TGIF1: variants seen among roughly 807,000 people sequenced by gnomAD.
TGIF1 encodes TGFB induced factor homeobox 1.
A neutral mutation model predicts 19.3 loss-of-function variants in TGIF1; 4 were observed. That is an observed-to-expected ratio of 0.21 (90% CI 0.10 to 0.47). The LOEUF (loss-of-function observed/expected upper bound fraction) is 0.47, where lower values mean the gene tolerates loss of function less well. TGIF1 is among the 20% of genes least tolerant of loss of function. The probability of loss-of-function intolerance (pLI) is 0.98; values close to 1 mark genes in which losing one functional copy is unlikely to be tolerated. For synonymous variants in TGIF1, 122 were observed against 129.3 expected, an observed-to-expected ratio of 0.94 and a Z score of 0.38; for missense variants, 275 against 341.4, an observed-to-expected ratio of 0.81 and a Z score of 1.53.
intron 1 of TGIF1, chr18:3,415,378 A>C (rs1008282575): frequency 1.8e-5 from 8 of 456,508 alleles, no homozygotes; most frequent in Non-Finnish European, 3.1e-5. Flanking sequence ...TCAGAGGCAG[A>C]GTGAGATTCA....
intron 1 of TGIF1, among the ~76,000 whole-genome samples, chr18:3,452,820 C>CA (rs2083022030): frequency 6.6e-6 from 1 of 152,194 alleles, no homozygotes; most frequent in South Asian, 2.1e-4. Context: ...TTTCTTAAAA[C>CA]AAGTGCACTT....
Position 3,457,105 on chromosome 18 carries a change from T to A in TGIF1, c.244-260T>A, listed in dbSNP as rs2049380648. The A allele has an allele frequency of 1.7e-6, 1 of 582,192 alleles. No individual in the cohort carries two copies. The highest frequency in any genetic ancestry group is 1.9e-5 in the African/African-American group (1 of 53,718). 36.1% of individuals were successfully genotyped at this position (582,192 alleles called of 1,614,324 possible). ...TTAAGCATTTGAGATTGTATGTCTT[T>A]TTCTTCGTCCTGAAAAGGTTTAAGT... On this transcript the variant is annotated intron_variant, in intron 2 of 2. Coordinates refer to ENST00000343820, the MANE Select transcript of TGIF1 (RefSeq NM_003244.4). This position sits in a 1 kb window ranked among gnomAD's most constrained non-coding sequence, Gnocchi z 4.9.
chr18:3,455,140 T>TTTTTCAATTACTTCAA (rs2083125263), intron 1 of TGIF1: 1 of 152,222 alleles, frequency 6.6e-6, no homozygotes, highest in Non-Finnish European at 1.5e-5. Context: ...GAAGTACTGA[T>TTTTTCAATTACTTCAA]TTTTTTCAAG....
chr18:3,452,224 C>G (rs559432063), intron 1 of TGIF1: 7 of 1,593,248 alleles, frequency 4.4e-6, no homozygotes, highest in Non-Finnish European at 6.0e-6. Flanking sequence ...TGCGCCCCCC[C>G]TCCTCCACCG....
In TGIF1 at chr18:3,457,530, G is replaced by A. The variant is rs375158323; in HGVS notation, c.409G>A (p.Glu137Lys). ...MGIKNFMPAL[E>K]ETPFHSCTAG... ...CATCAAAAACTTCATGCCAGCTCTA[G>A]AGGAGACCCCATTTCATTCCTGTAC... The change falls in exon 3 of 3, where the codon GAG becomes AAG. Residue 137 changes from glutamate to lysine, a missense_variant. Coordinates refer to ENST00000343820, the MANE Select transcript of TGIF1 (RefSeq NM_003244.4). The surrounding 1 kb of genome is among the most constrained non-coding windows in gnomAD (Gnocchi z 4.9). The A allele has an allele frequency of 1.4e-5, 22 of 1,614,070 alleles. No homozygotes were observed. The highest frequency in any genetic ancestry group is 1.9e-5 in the Non-Finnish European group (22 of 1,180,056).
intron 2 of TGIF1, among the ~76,000 whole-genome samples, chr18:3,440,801 G>T (rs1350186952): frequency 6.6e-6 from 1 of 152,164 alleles, no homozygotes; most frequent in Non-Finnish European, 1.5e-5. Context: ...TAGGCTCCCT[G>T]AGTCAGTCTA....
chr18:3,448,713 G>T (rs1598889224), upstream of TGIF1: 1 of 689,032 alleles, frequency 1.5e-6, no homozygotes, highest in Non-Finnish European at 1.7e-6. Flanking sequence ...AGGGGCGGGG[G>T]TGTCTTTTTT....
chr18:3,418,602 T>TTTCTA (rs2082361964), intron 2 of TGIF1: 1 of 152,194 alleles, frequency 6.6e-6, no homozygotes, highest in Non-Finnish European at 1.5e-5. Context: ...CTAACTACAT[T>TTTCTA]TTCTATCCAC....
intron 2 of TGIF1, among the ~76,000 whole-genome samples, chr18:3,434,027 G>C (rs1467754709): frequency 6.6e-6 from 1 of 152,092 alleles, no homozygotes; most frequent in East Asian, 1.9e-4. Context: ...AACATTTAAG[G>C]AACAGCCTCC....
At chr18:3,428,595 G>A (rs1568033086) in intron 2 of TGIF1, among the ~76,000 whole-genome samples, 1 of 151,630 alleles carries the variant, frequency 6.6e-6, no homozygotes, top group Non-Finnish European at 1.5e-5. Context: ...AGATTATCCG[G>A]GCATGGTGGC....
In TGIF1 at chr18:3,451,490, AT is replaced by A. The variant is rs1416814524; in HGVS notation, c.16+988del. On this transcript the variant is annotated intron_variant, in intron 1 of 2. Transcript: ENST00000343820. The surrounding 1 kb of genome is among the most constrained non-coding windows in gnomAD (Gnocchi z 5.4). Reference sequence around the variant, plus strand: ...GGCTGGAGGTGGCGTTTCTGTCGTGATTTATGTGGAGTGGTTCAAAACAGAA... The same window carrying A: ...GGCTGGAGGTGGCGTTTCTGTCGTGATTATGTGGAGTGGTTCAAAACAGAA... 1.0e-6 allele frequency: 1 copy of A among 988,526 alleles called. No individual in the cohort carries two copies. The highest frequency in any genetic ancestry group is 1.2e-6 in the Non-Finnish European group (1 of 832,324). 61.2% of individuals were successfully genotyped at this position (988,526 alleles called of 1,614,324 possible). A position where few individuals can be genotyped will look rare whatever the true frequency, so the allele number is the denominator to read the frequency against.
At chr18:3,453,508 G>T (rs1446482305) in intron 1 of TGIF1, among the ~76,000 whole-genome samples, 1 of 151,874 alleles carries the variant, frequency 6.6e-6, no homozygotes, top group Non-Finnish European at 1.5e-5. Context: ...CCAACATGGA[G>T]AAACCCCGTC....
intron 1 of TGIF1, among the ~76,000 whole-genome samples, chr18:3,412,472 C>G (rs575153961): frequency 6.6e-6 from 1 of 152,306 alleles, no homozygotes; most frequent in African/African-American, 2.4e-5. Context: ...AAGATTAAAT[C>G]TAGCCTTTCC....
At chr18:3,412,131 G>A (rs1331013676) in exon 1 of TGIF1, 2 of 152,826 alleles carry the variant, frequency 1.3e-5, no homozygotes, top group African/African-American at 4.8e-5. Flanking sequence ...GGGAGCCAGA[G>A]ACTCGAGCCT....
chr18:3,440,043 T>C (rs1441348970), intron 2 of TGIF1, among the ~76,000 whole-genome samples: 1 of 150,224 alleles, frequency 6.7e-6, no homozygotes, highest in African/African-American at 2.5e-5. Flanking sequence ...AAAAAAGTAC[T>C]GATTTAGACA....
intron 2 of TGIF1, among the ~76,000 whole-genome samples, chr18:3,428,704 T>G (rs758450146): frequency 1.3e-5 from 2 of 151,808 alleles, no homozygotes; most frequent in Non-Finnish European, 2.9e-5. Flanking sequence ...ACCACTGCAC[T>G]CCAGTTTGGG....
At chr18:3,445,759 G>GAAA, upstream of TGIF1, among the ~76,000 whole-genome samples, 1 of 31,534 alleles carries the variant, frequency 3.2e-5, no homozygotes, top group Non-Finnish European at 4.9e-5. Context: ...AAAAAGAGAA[G>GAAA]AAAAGCAAAA....
chr18:3,422,746 A>G (rs1227559062), intron 2 of TGIF1, among the ~76,000 whole-genome samples: 1 of 129,358 alleles, frequency 7.7e-6, no homozygotes, highest in East Asian at 2.5e-4. Flanking sequence ...TCTGGAGTGC[A>G]GTGGCGTGAT....
At chr18:3,439,586 G>A (rs1479038989) in intron 2 of TGIF1, among the ~76,000 whole-genome samples, 2 of 151,892 alleles carry the variant, frequency 1.3e-5, no homozygotes, top group East Asian at 1.9e-4. Flanking sequence ...CAGGTGATTC[G>A]CCCGCCTCAG....
Sources: gnomAD v4.1 joint callset for allele counts (sites outside exome capture counted in the v4.1 genomes callset) on GRCh38, gnomAD v4.1.1 for gene constraint, Gnocchi (gnomAD v3.1) non-coding constraint, MANE v1.5 for transcripts, NCBI Gene and HGNC (gene_info 2026-07-23, HGNC 2026-07-21) for gene names.